The following EPRS1 variants were observed in gnomAD, a reference collection of about 807,000 sequenced individuals.
EPRS1 encodes bifunctional glutamate/proline--tRNA ligase.
Under a neutral mutation model 188.3 loss-of-function variants are expected in EPRS1, and 107 were observed. The ratio of observed to expected loss-of-function variants is 0.57; its 90% CI spans 0.49 to 0.67. The LOEUF is 0.67. Among genes scored for constraint, EPRS1 ranks in the 30% least tolerant of loss-of-function variants. The pLI is 0.00. For synonymous variants in EPRS1, 596 were observed against 593.1 expected (o/e 1.00, Z -0.07); for missense variants, 1,577 against 1,802.2 (o/e 0.88, Z 2.26).
chr1:220,002,623 G>A (rs1661381728), intron 16 of EPRS1, among the ~76,000 whole-genome samples: 1 of 152,236 alleles, frequency 6.6e-6, no homozygotes. Flanking sequence ...ACTTCGGGGG[G>A]CCATGGCAGG....
chr1:220,035,884 G>A lies in EPRS1; in HGVS notation c.132-871C>T, dbSNP rs563497449. Among the ~76,000 whole-genome samples the A allele has an allele frequency of 1.1e-3, 168 of 151,962 alleles. 1 individual carries two copies. Among genetic ancestry groups the A allele is most frequent in the Non-Finnish European group, 2.2e-3 (150 of 67,978 alleles). ...AATCTATTGCTAATAAAGAGGCTAC[G>A]AAGGCAGATCAAACCTCATCCAAAC... On this transcript the variant is annotated intron_variant, in intron 2 of 31. Transcript: ENST00000366923.
Position 219,982,968 on chromosome 1 carries a change from C to A in EPRS1, c.3301-124G>T, listed in dbSNP as rs187033215. 662 of 866,316 alleles carry A rather than the reference C, an allele frequency of 7.6e-4. 2 individuals are homozygous for A. Among genetic ancestry groups the A allele is most frequent in the Non-Finnish European group, 1.1e-3 (579 of 534,956 alleles). 53.7% of individuals were successfully genotyped at this position (866,316 alleles called of 1,614,324 possible). On this transcript the variant is annotated intron_variant, in intron 22 of 31. Coordinates refer to ENST00000366923, the MANE Select transcript of EPRS1 (RefSeq NM_004446.3). ...ATCAATTTAGGCAAGTTAAAATAGT[C>A]GCTGCTGTTCACTGTGAGGAAAGGT...
intron 12 of EPRS1, among the ~76,000 whole-genome samples, chr1:220,011,301 C>T (rs1196584995): frequency 6.6e-6 from 1 of 151,940 alleles, no homozygotes; most frequent in Non-Finnish European, 1.5e-5. Context: ...TGAAAAGAAA[C>T]CAATTAAAGC....
chr1:219,979,578 TTGGAAAAATTCTG>T lies in EPRS1; in HGVS notation c.3736_3748del (p.Gln1246LysfsTer26). On this transcript the variant is annotated frameshift_variant, in exon 27 of 32. Coordinates refer to ENST00000366923, the MANE Select transcript of EPRS1 (RefSeq NM_004446.3). LOFTEE classifies it high-confidence loss of function. ...ATCTTCAAAAACGATTTCAAACATTTTGGAAAAATTCTGCCCTAAATGATGTGATGTTCCTCCC... is the reference window on the plus strand; with the variant it reads ...ATCTTCAAAAACGATTTCAAACATTTCCCTAAATGATGTGATGTTCCTCCC... The T allele has an allele frequency of 6.2e-7, 1 of 1,614,012 alleles. No homozygotes were observed. Among genetic ancestry groups the T allele is most frequent in the Non-Finnish European group, 8.5e-7 (1 of 1,179,924 alleles).
chr1:220,013,706 G>C (rs979447946), intron 12 of EPRS1, among the ~76,000 whole-genome samples: 2 of 152,192 alleles, frequency 1.3e-5, no homozygotes, highest in Admixed American at 6.5e-5. Context: ...GCAGTAATTA[G>C]AGATTGAGAG....
chr1:220,040,866 A>T (rs924948826), intron 1 of EPRS1, among the ~76,000 whole-genome samples: 2 of 147,974 alleles, frequency 1.4e-5, no homozygotes, highest in Non-Finnish European at 3.0e-5. Context: ...AAAAAAAAAT[A>T]GTATAGTGCC....
Position 219,969,082 on chromosome 1 carries a change from T to C in EPRS1, c.4364A>G (p.Asp1455Gly). The C allele has an allele frequency of 6.2e-7, 1 of 1,613,300 alleles. No individual in the cohort carries two copies. The highest frequency in any genetic ancestry group is 1.3e-5 in the African/African-American group (1 of 75,012). The change falls in exon 31 of 32, where the codon GAC becomes GGC. Residue 1455 changes from aspartate (D) to glycine (G), a missense_variant. By Grantham distance (94) the Asp-to-Gly change is moderately conservative. Transcript: ENST00000366923. The part of the protein sequence containing the change: ...IPFCGEIDCE[D>G]WIKKTTARDQ... ...CCTGGCAGTGGTCTTTTTGATCCAG[T>C]CCTCACAGTCAATTTCCCCACAGAA...
intron 20 of EPRS1, 117 bp downstream of exon 20, chr1:219,987,025 C>T: frequency 9.4e-7 from 1 of 1,065,826 alleles, no homozygotes; most frequent in South Asian, 1.6e-5. Flanking sequence ...GACATTGTAG[C>T]TTTAGCGTTC....
chr1:219,975,447 T>C (rs1846255), intron 28 of EPRS1, among the ~76,000 whole-genome samples: 69,603 of 151,552 alleles, frequency 0.46, 16,026 homozygotes, highest in South Asian at 0.52. Flanking sequence ...TTGTTGTTGT[T>C]TTTCTTGAGA....
intron 12 of EPRS1, among the ~76,000 whole-genome samples, chr1:220,015,784 G>A (rs542362498): frequency 2.6e-5 from 3 of 114,808 alleles, no homozygotes; most frequent in Non-Finnish European, 4.1e-5. Flanking sequence ...AGGAAAGCAA[G>A]AAGGTAATAT....
At chr1:220,022,609 C>A in intron 8 of EPRS1, 91 bp from the exon 9 acceptor site, 1 of 1,116,122 alleles carries the variant, frequency 9.0e-7, no homozygotes, top group South Asian at 1.6e-5. Context: ...TTTTCATGTT[C>A]TTGTTTTATA....
chr1:219,981,781 T>C (rs906229464), intron 23 of EPRS1, among the ~76,000 whole-genome samples: 55 of 152,216 alleles, frequency 3.6e-4, no homozygotes, highest in Non-Finnish European at 7.1e-4. Context: ...ATAAAGGTCA[T>C]GTTCTATGTT....
chr1:220,019,964 A>G (rs763199215), intron 10 of EPRS1, 24 bp downstream of exon 10: 1 of 1,500,050 alleles, frequency 6.7e-7, no homozygotes, highest in South Asian at 1.1e-5. Flanking sequence ...ACTTCTTGTC[A>G]ATTCTAAGTA....
At chr1:220,003,868 G>A (rs188769072) in intron 16 of EPRS1, among the ~76,000 whole-genome samples, 2 of 152,166 alleles carry the variant, frequency 1.3e-5, no homozygotes, top group African/African-American at 4.8e-5. Flanking sequence ...TCCAGGAAAA[G>A]GCATCAAGTG....
intron 6 of EPRS1, among the ~76,000 whole-genome samples, chr1:220,028,238 C>A (rs760576415): frequency 2.6e-5 from 4 of 152,094 alleles, no homozygotes; most frequent in Non-Finnish European, 4.4e-5. Flanking sequence ...AAAAGATTAA[C>A]AATTAGTACC....
intron 3 of EPRS1, among the ~76,000 whole-genome samples, chr1:220,034,529 G>T (rs79261263): frequency 1.3e-5 from 2 of 152,134 alleles, no homozygotes; most frequent in African/African-American, 4.8e-5. Flanking sequence ...AAGAAAATGG[G>T]ATCCAAACTA....
rs903807675 is a variant in EPRS1, at chr1:220,046,223, C to T, written c.46+120G>A. ...CCACGTACAATTCTGGGGCGAGGGG[C>T]AGGTCCAACATCCCAGATGGTGACC... On this transcript the variant is annotated intron_variant, in intron 1 of 31. Coordinates refer to ENST00000366923, the MANE Select transcript of EPRS1 (RefSeq NM_004446.3). 13 of 1,198,152 alleles carry T rather than the reference C, an allele frequency of 1.1e-5. No homozygotes were observed. The South Asian group carries it at 1.2e-4, about 11-fold the overall frequency. 74.2% of individuals were successfully genotyped at this position (1,198,152 alleles called of 1,614,324 possible).
chr1:220,032,509 C>A lies in EPRS1; in HGVS notation c.406G>T (p.Glu136Ter). ...ATLKGNAAWQ[E>*]QLKQKKAPVH... ...GGAGCTTTCTTCTGTTTCAACTGTT[C>A]TTGCCAGGCAGCATTTCCTATGAGC... Residue 136 changes from glutamate to a stop codon, truncating the protein, a stop_gained, in exon 5 of 32, where the codon GAA becomes TAA. Coordinates refer to ENST00000366923, the MANE Select transcript of EPRS1 (RefSeq NM_004446.3). LOFTEE classifies it high-confidence loss of function. 1 of 1,612,782 alleles carries A rather than the reference C, an allele frequency of 6.2e-7. No homozygotes were observed.
chr1:219,989,606 A>G (rs144519303), intron 18 of EPRS1, among the ~76,000 whole-genome samples: 1 of 152,340 alleles, frequency 6.6e-6, no homozygotes, highest in East Asian at 1.9e-4. Flanking sequence ...CCAGATAGCT[A>G]AATGAAACCA....
Sources: allele counts gnomAD v4.1 joint callset (sites outside exome capture counted in the v4.1 genomes callset), GRCh38; gene constraint gnomAD v4.1.1; transcripts MANE v1.5; gene names NCBI Gene and HGNC (gene_info 2026-07-23, HGNC 2026-07-21).